The following LHFPL3 variants were observed in gnomAD, a reference collection of about 807,000 sequenced individuals.
LHFPL3 encodes LHFPL tetraspan subfamily member 3.
LHFPL3 carries 5 observed loss-of-function variants against 19.3 expected under a neutral mutation model. The ratio of observed to expected loss-of-function variants is 0.26; its 90% CI spans 0.14 to 0.54. The LOEUF (loss-of-function observed/expected upper bound fraction) is 0.54. Among genes scored for constraint, LHFPL3 ranks in the 20% least tolerant of loss-of-function variants. LHFPL3 has a pLI of 0.94. For missense variants in LHFPL3, 249 were observed against 307.4 expected (o/e 0.81, Z 1.42); for synonymous variants, 133 against 126.2 (o/e 1.05, Z -0.36).
chr7:104,880,715 T>C (rs1202104244), intron 2 of LHFPL3, among the ~76,000 whole-genome samples: 3 of 151,864 alleles, frequency 2.0e-5, no homozygotes, highest in Non-Finnish European at 4.4e-5. Context: ...TCTTTCAAAA[T>C]ATTACTGTTC....
chr7:104,517,506 C>CT lies in LHFPL3; in HGVS notation c.445+188299dup, dbSNP rs34506009. 5.7e-3 allele frequency among the ~76,000 whole-genome samples: 738 copies of CT among 129,310 alleles called. 4 individuals are homozygous for CT. Among genetic ancestry groups the CT allele is most frequent in the African/African-American group, 0.011 (386 of 34,310 alleles). The allele number at this position is 129,310 out of a possible 152,430, so 84.8% of individuals were successfully genotyped here. A position where few individuals can be genotyped will look rare whatever the true frequency, so the allele number is the denominator to read the frequency against. On this transcript the variant is annotated intron_variant, in intron 1 of 2. Coordinates refer to ENST00000424859, the MANE Select transcript of LHFPL3 (RefSeq NM_199000.3). ...CAAATTATTCAAATAATTGATTGGC[C>CT]TTTTTTTTTTTTTTTTTGAGATGGA... is the stretch of plus-strand genomic sequence containing the variant.
chr7:104,330,287 A>G (rs777758219), intron 1 of LHFPL3, among the ~76,000 whole-genome samples: 29 of 152,068 alleles, frequency 1.9e-4, no homozygotes, highest in Non-Finnish European at 4.1e-4. Flanking sequence ...GGTCCTTTTG[A>G]TTTTATGGAT....
intron 1 of LHFPL3, among the ~76,000 whole-genome samples, chr7:104,646,772 T>G (rs1414986142): frequency 2.0e-5 from 3 of 152,348 alleles, no homozygotes; most frequent in Admixed American, 1.3e-4. Flanking sequence ...AATACAGAAA[T>G]GAAACTTGAG....
chr7:104,817,676 T>C (rs1790582196), intron 2 of LHFPL3, among the ~76,000 whole-genome samples: 1 of 152,060 alleles, frequency 6.6e-6, no homozygotes, highest in Non-Finnish European at 1.5e-5. Flanking sequence ...GATTTGACGA[T>C]TGACAATTCT....
chr7:104,363,457 C>CGGAGAATTCCTCAAATCT (rs1790428264), intron 1 of LHFPL3, among the ~76,000 whole-genome samples: 1 of 152,220 alleles, frequency 6.6e-6, no homozygotes, highest in Admixed American at 6.5e-5. Flanking sequence ...AGTAGTTGAA[C>CGGAGAATTCCTCAAATCT]CACTCCTTAC....
chr7:104,638,290 G>C (rs1298433006), intron 1 of LHFPL3, among the ~76,000 whole-genome samples: 1 of 152,152 alleles, frequency 6.6e-6, no homozygotes, highest in Non-Finnish European at 1.5e-5. Context: ...CTTTTGGGCA[G>C]AGACTATAGG....
intron 1 of LHFPL3, among the ~76,000 whole-genome samples, chr7:104,555,163 C>A (rs1322927892): frequency 1.3e-5 from 2 of 152,132 alleles, no homozygotes; most frequent in Non-Finnish European, 2.9e-5. Context: ...ATCTAGGTAT[C>A]CATTAAGCCA....
intron 1 of LHFPL3, among the ~76,000 whole-genome samples, chr7:104,509,886 A>C (rs1335665111): frequency 6.6e-6 from 1 of 152,286 alleles, no homozygotes; most frequent in Admixed American, 6.5e-5. Flanking sequence ...CATAAGGTCT[A>C]CAAGTTCACA....
chr7:104,733,972 C>G (rs1793753014), intron 1 of LHFPL3, among the ~76,000 whole-genome samples: 1 of 152,248 alleles, frequency 6.6e-6, no homozygotes, highest in East Asian at 1.9e-4. Context: ...ATTTCTCCTT[C>G]ACTTATGAAG....
chr7:104,532,352 G>T (rs1368219919), intron 1 of LHFPL3, among the ~76,000 whole-genome samples: 7 of 102,100 alleles, frequency 6.9e-5, no homozygotes, highest in African/African-American at 2.6e-4. Flanking sequence ...GTTAAAGAAC[G>T]AATCTAGCTA....
rs76219930 is a variant in LHFPL3, at chr7:104,849,747, G to T, written c.683-56440G>T. Among the ~76,000 whole-genome samples the T allele has an allele frequency of 1.2e-4, 18 of 152,358 alleles. No homozygotes were observed. The East Asian group carries it at 3.3e-3, about 28-fold the overall frequency. The stretch of plus-strand genomic sequence containing the variant: ...AAACCCAGCAGGGCCTCTCTGTCTA[G>T]ATTCTTCTTGGCCTCTCTGAGCCAG... On this transcript the variant is annotated intron_variant, in intron 2 of 2. Transcript: ENST00000424859.
rs748768911 is a variant in LHFPL3, at chr7:104,359,283, G to A, written c.445+30059G>A. ...AGGAGGAATTTATTTACTGGCATAA[G>A]TGGAACACTAGACACCTGATAGAGC... On this transcript the variant is annotated intron_variant, in intron 1 of 2. Coordinates refer to ENST00000424859, the MANE Select transcript of LHFPL3 (RefSeq NM_199000.3). 3.3e-5 allele frequency among the ~76,000 whole-genome samples: 5 copies of A among 152,342 alleles called. No individual in the cohort carries two copies. The South Asian group carries it at 1.0e-3, about 32-fold the overall frequency.
At chr7:104,475,393 T>C (rs1792990731) in intron 1 of LHFPL3, among the ~76,000 whole-genome samples, 1 of 152,132 alleles carries the variant, frequency 6.6e-6, no homozygotes, top group South Asian at 2.1e-4. Flanking sequence ...ATTCTGATTC[T>C]TTGGTATATT....
rs562054414 is a variant in LHFPL3 at position 104,356,109 on chromosome 7, G to A, written c.445+26885G>A. Among the ~76,000 whole-genome samples the A allele has an allele frequency of 5.3e-4, 81 of 152,324 alleles. 1 individual carries two copies. The South Asian group carries it at 0.016, about 31-fold the overall frequency. On this transcript the variant is annotated intron_variant, in intron 1 of 2. Transcript: ENST00000424859. ...GTATTAGGATATAGCTTTTGTAATA[G>A]AAGAAAACATGCTGTAATGAAGGCA...
At chr7:104,339,470 A>G (rs1373086966) in intron 1 of LHFPL3, among the ~76,000 whole-genome samples, 1 of 152,162 alleles carries the variant, frequency 6.6e-6, no homozygotes. Flanking sequence ...TCCCTGGCCT[A>G]CGGCATGTTT....
chr7:104,498,396 T>C (rs1051418423), intron 1 of LHFPL3, among the ~76,000 whole-genome samples: 2 of 152,118 alleles, frequency 1.3e-5, no homozygotes, highest in Admixed American at 6.5e-5. Flanking sequence ...GTCTTCGTGC[T>C]CAAAGAAGAA....
At chr7:104,836,027 G>A (rs528937548) in intron 2 of LHFPL3, among the ~76,000 whole-genome samples, 2 of 151,922 alleles carry the variant, frequency 1.3e-5, no homozygotes, top group East Asian at 3.8e-4. Flanking sequence ...AGTGTGCTAA[G>A]TAGTGACCAA....
chr7:104,809,354 T>G (rs1790424028), intron 2 of LHFPL3, among the ~76,000 whole-genome samples: 1 of 152,218 alleles, frequency 6.6e-6, no homozygotes, highest in Admixed American at 6.5e-5. Flanking sequence ...GATTCTTTTC[T>G]TAGTACATGT....
chr7:104,416,582 G>A (rs776397411), intron 1 of LHFPL3, among the ~76,000 whole-genome samples: 4 of 152,200 alleles, frequency 2.6e-5, no homozygotes, highest in African/African-American at 4.8e-5. Flanking sequence ...GGAAAAGGGG[G>A]TCTGGCGTTT....
Sources: gnomAD v4.1 joint callset for allele counts (sites outside exome capture counted in the v4.1 genomes callset) on GRCh38, gnomAD v4.1.1 for gene constraint, MANE v1.5 for transcripts, NCBI Gene and HGNC (gene_info 2026-07-23, HGNC 2026-07-21) for gene names.